The following AAGAB variants were observed in gnomAD, a reference collection of about 807,000 sequenced individuals.
AAGAB encodes the protein alpha- and gamma-adaptin-binding protein p34.
Under a neutral mutation model 44.1 loss-of-function variants are expected in AAGAB, and 38 were observed. The observed-to-expected ratio is 0.86, with a 90% CI of 0.67 to 1.13. AAGAB has a LOEUF of 1.13. Ranked by LOEUF, AAGAB falls within the 50% of genes most tolerant of loss-of-function variation. AAGAB has a pLI of 0.00. For synonymous variants in AAGAB, 131 were observed against 131.8 expected (o/e 0.99, Z 0.04); for missense variants, 450 against 373.8 (o/e 1.20, Z -1.68).
chr15:67,237,512 G>C (rs968329662), intron 1 of AAGAB, among the ~76,000 whole-genome samples: 2 of 152,150 alleles, frequency 1.3e-5, no homozygotes, highest in Non-Finnish European at 2.9e-5. Context: ...GGAAATCTAT[G>C]TGCAGCATGT....
intron 1 of AAGAB, among the ~76,000 whole-genome samples, chr15:67,248,595 C>A (rs1244845302): frequency 6.6e-6 from 1 of 152,212 alleles, no homozygotes; most frequent in Non-Finnish European, 1.5e-5. Context: ...AGCACAATAG[C>A]CTCTACCTTT....
chr15:67,212,307 T>C (rs1484479572), intron 5 of AAGAB, among the ~76,000 whole-genome samples: 1 of 152,208 alleles, frequency 6.6e-6, no homozygotes, highest in Non-Finnish European at 1.5e-5. Context: ...TCATGTATTA[T>C]TTACCTATTC....
rs1241936113 is a variant in AAGAB, at chr15:67,202,461, G to A, written c.*360C>T. On this transcript the variant is annotated 3_prime_UTR_variant, in exon 10 of 10. Transcript: ENST00000261880. ...ACTCCTGATGTGCAGTATCAAGTGT[G>A]AATGCTGGAAATGCTACTTAAAAGG... 4.8e-6 allele frequency: 1 copy of A among 210,412 alleles called. No individual in the cohort carries two copies. Among genetic ancestry groups the A allele is most frequent in the Non-Finnish European group, 9.6e-6 (1 of 104,036 alleles). The allele number at this position is 210,412 out of a possible 1,614,324, so 13.0% of individuals were successfully genotyped here.
intron 1 of AAGAB, among the ~76,000 whole-genome samples, chr15:67,243,068 T>C (rs181167132): frequency 5.1e-4 from 77 of 152,228 alleles, no homozygotes; most frequent in Admixed American, 4.3e-3. Context: ...GTCTTCCTCT[T>C]TTTCCTCAAG....
At chr15:67,214,549 C>T (rs1486372166) in intron 5 of AAGAB, among the ~76,000 whole-genome samples, 1 of 152,192 alleles carries the variant, frequency 6.6e-6, no homozygotes, top group Admixed American at 6.5e-5. Context: ...CAAATGTCCC[C>T]TGGGGGGCAA....
chr15:67,209,338 T>C (rs1963755837), intron 6 of AAGAB, 124 bp downstream of exon 6: 3 of 870,320 alleles, frequency 3.4e-6, no homozygotes, highest in Non-Finnish European at 5.6e-6. Context: ...TCCTTTCATC[T>C]ATTTTTAACA....
intron 5 of AAGAB, among the ~76,000 whole-genome samples, chr15:67,212,842 T>C (rs1409790168): frequency 6.6e-6 from 1 of 152,250 alleles, no homozygotes; most frequent in East Asian, 1.9e-4. Context: ...ATGCACTCAC[T>C]GTACAACTAT....
At chr15:67,245,945 T>A (rs546630080) in intron 1 of AAGAB, among the ~76,000 whole-genome samples, 25 of 152,334 alleles carry the variant, frequency 1.6e-4, no homozygotes, top group African/African-American at 5.3e-4. Context: ...ATTTTCCTGA[T>A]CTCAGCAGGC....
intron 1 of AAGAB, among the ~76,000 whole-genome samples, chr15:67,250,755 G>A (rs745449058): frequency 2.2e-4 from 33 of 152,162 alleles, no homozygotes; most frequent in African/African-American, 7.5e-4. Flanking sequence ...CGCCGGGTGC[G>A]GTGGCTCATG....
chr15:67,233,681 T>C (rs897041969), intron 4 of AAGAB, among the ~76,000 whole-genome samples: 5 of 152,180 alleles, frequency 3.3e-5, no homozygotes, highest in African/African-American at 1.2e-4. Flanking sequence ...GCAAATCACT[T>C]ACACCATTCT....
chr15:67,248,820 T>C (rs1439395802), intron 1 of AAGAB, among the ~76,000 whole-genome samples: 1 of 152,216 alleles, frequency 6.6e-6, no homozygotes, highest in Non-Finnish European at 1.5e-5. Context: ...TTCAGAAACC[T>C]GAGGACCGGA....
At position 67,242,280 on chromosome 15, in the gene AAGAB, G is replaced by A. The variant is rs899816367; in HGVS notation, c.74-5460C>T. ...CTACTAAAAATACAAAAAATTAGCC[G>A]GGCGCGGTGGCGGGCGCCTGTAGTC... On this transcript the variant is annotated intron_variant, in intron 1 of 9. Coordinates refer to ENST00000261880, the MANE Select transcript of AAGAB (RefSeq NM_024666.5). 4.5e-5 allele frequency among the ~76,000 whole-genome samples: 6 copies of A among 132,020 alleles called. 1 individual carries two copies. The highest frequency in any genetic ancestry group is 6.6e-5 in the Non-Finnish European group (4 of 60,528). The allele number at this position is 132,020 out of a possible 152,430, so 86.6% of individuals were successfully genotyped here. A position where few individuals can be genotyped will look rare whatever the true frequency, so the allele number is the denominator to read the frequency against.
upstream of AAGAB, chr15:67,255,080 C>A: frequency 1.2e-6 from 1 of 829,644 alleles, no homozygotes; most frequent in Non-Finnish European, 2.0e-6. Flanking sequence ...GCGAGAGGCT[C>A]CCAAAAATGC....
In AAGAB at chr15:67,203,554, T is replaced by C; in HGVS notation, c.864A>G (p.Ala288=). 2 of 1,613,686 alleles carry C rather than the reference T, an allele frequency of 1.2e-6. No homozygotes were observed. Among genetic ancestry groups the C allele is most frequent in the Non-Finnish European group, 1.7e-6 (2 of 1,179,766 alleles). ...ACCTGGCTGATTGTCTCACCTTTTC[T>C]GCATGCACTTTTCTTTGCTCATGAG... ...TLPHEQRKVH[A]EKVAKAFWMA... Residue 288 remains alanine (A), a synonymous_variant, in exon 9 of 10, where the codon GCA becomes GCG. Transcript: ENST00000261880.
chr15:67,206,468 TACC>T (rs773778193), intron 7 of AAGAB, among the ~76,000 whole-genome samples: 90 of 152,356 alleles, frequency 5.9e-4, no homozygotes, highest in Non-Finnish European at 1.1e-3. Flanking sequence ...TCACCTATGC[TACC>T]AAGAACTATT....
At chr15:67,235,836 G>A in intron 4 of AAGAB, 143 bp downstream of exon 4, 1 of 628,888 alleles carries the variant, frequency 1.6e-6, no homozygotes, top group South Asian at 2.2e-5. Flanking sequence ...AAGATTATAA[G>A]ATTACATCAA....
chr15:67,250,459 G>A (rs1037198194), intron 1 of AAGAB, among the ~76,000 whole-genome samples: 3 of 152,164 alleles, frequency 2.0e-5, no homozygotes, highest in African/African-American at 7.2e-5. Flanking sequence ...TTACAGGCGT[G>A]AGCCACCATG....
At chr15:67,222,765 C>T (rs371756962) in intron 5 of AAGAB, among the ~76,000 whole-genome samples, 10 of 152,102 alleles carry the variant, frequency 6.6e-5, no homozygotes, top group Admixed American at 2.0e-4. Context: ...CTTATGAACG[C>T]GCTGCTCTTG....
Position 67,231,799 on chromosome 15 carries a change from T to C in AAGAB, c.535+15A>G. 6.3e-7 allele frequency: 1 copy of C among 1,596,452 alleles called. No individual in the cohort carries two copies. The highest frequency in any genetic ancestry group is 8.6e-7 in the Non-Finnish European group (1 of 1,164,724). On this transcript the variant is annotated intron_variant, in intron 5 of 9. Coordinates refer to ENST00000261880, the MANE Select transcript of AAGAB (RefSeq NM_024666.5). ...AACAAGAGGAAAAAAATGACTTGAG[T>C]CCCAAGTTACTTACCATTCTTCATC...
Sources: gnomAD v4.1 joint callset for allele counts (sites outside exome capture counted in the v4.1 genomes callset) on GRCh38, gnomAD v4.1.1 for gene constraint, MANE v1.5 for transcripts, NCBI Gene and HGNC (gene_info 2026-07-23, HGNC 2026-07-21) for gene names.